The following ZSWIM6 variants were observed in gnomAD, a reference collection of about 807,000 sequenced individuals.
ZSWIM6 encodes zinc finger SWIM domain-containing protein 6.
Under a neutral mutation model 113.2 loss-of-function variants are expected in ZSWIM6, and 9 were observed. The ratio of observed to expected loss-of-function variants is 0.08; its 90% CI spans 0.05 to 0.14. ZSWIM6 has a LOEUF of 0.14. ZSWIM6 is among the 10% of genes least tolerant of loss of function. The pLI, the probability that ZSWIM6 is intolerant of heterozygous loss-of-function variation, is 1.00. For synonymous variants in ZSWIM6, 611 were observed against 606.5 expected (o/e 1.01, Z -0.11); for missense variants, 1,162 against 1,552.2 (o/e 0.75, Z 4.22).
At chr5:61,458,758 GT>G (rs1747263260) in intron 1 of ZSWIM6, among the ~76,000 whole-genome samples, 1 of 151,630 alleles carries the variant, frequency 6.6e-6, no homozygotes, top group Admixed American at 6.6e-5. Context: ...GGCACTTGTG[GT>G]CCCAGCTACT....
intron 1 of ZSWIM6, among the ~76,000 whole-genome samples, chr5:61,468,632 A>G (rs1001426498): frequency 6.6e-6 from 1 of 152,188 alleles, no homozygotes; most frequent in African/African-American, 2.4e-5. Flanking sequence ...TCTCAGGAAC[A>G]TTATTTTGTC....
rs1169488324 is a variant in ZSWIM6 at position 61,541,948 on chromosome 5, C to T, written c.2768C>T (p.Thr923Met). 4.5e-6 allele frequency: 7 copies of T among 1,550,374 alleles called. No homozygotes were observed. The highest frequency in any genetic ancestry group is 2.0e-5 in the Admixed American group (1 of 50,974). The change falls in exon 13 of 14, where the codon ACG becomes ATG. Residue 923 changes from threonine to methionine, a missense_variant. This residue lies in a region of ZSWIM6 where 620 missense variants were observed against 804.6 expected (regional missense o/e 0.77). Coordinates refer to ENST00000252744, the MANE Select transcript of ZSWIM6 (RefSeq NM_020928.2). ...CGGGAGATGGTGAGGTGGCTGGTAA[C>T]GTGTGCTACTGAAGTCGGTAGGTAA... ...RRREMVRWLV[T>M]CATEVGVYAL...
At chr5:61,492,139 A>G (rs1287867382) in intron 3 of ZSWIM6, among the ~76,000 whole-genome samples, 2 of 152,074 alleles carry the variant, frequency 1.3e-5, no homozygotes, top group African/African-American at 4.8e-5. Flanking sequence ...TATACTTAAG[A>G]GTAAAGTGTT....
At chr5:61,463,490 C>A (rs989943771) in intron 1 of ZSWIM6, among the ~76,000 whole-genome samples, 5 of 152,184 alleles carry the variant, frequency 3.3e-5, no homozygotes, top group African/African-American at 1.2e-4. Context: ...TGGGTTAAAC[C>A]AGAAACCCTG....
At chr5:61,410,307 T>C (rs903785427) in intron 1 of ZSWIM6, among the ~76,000 whole-genome samples, 93 of 150,568 alleles carry the variant, frequency 6.2e-4, no homozygotes, top group African/African-American at 2.2e-3. Flanking sequence ...TGGATGTATT[T>C]CCTTTTTTTT....
chr5:61,503,751 A>G lies in ZSWIM6; in HGVS notation c.1333+9341A>G, dbSNP rs375245798. 4.6e-5 allele frequency among the ~76,000 whole-genome samples: 7 copies of G among 152,308 alleles called. No individual in the cohort carries two copies. In the South Asian group the frequency reaches 1.5e-3, roughly 32 times the overall value. Reference sequence around the variant, plus strand: ...ATGCACTAGAAGATATTCTTTGCTAAGCATTAGGGTCATATGTAGACCACA... The same window carrying G: ...ATGCACTAGAAGATATTCTTTGCTAGGCATTAGGGTCATATGTAGACCACA... On this transcript the variant is annotated intron_variant, in intron 4 of 13. Transcript: ENST00000252744.
intron 1 of ZSWIM6, among the ~76,000 whole-genome samples, chr5:61,435,965 G>A (rs770267803): frequency 6.6e-6 from 1 of 152,162 alleles, no homozygotes; most frequent in Admixed American, 6.5e-5. Context: ...ACTTTGGGAG[G>A]CCAAGGCGAG....
At chr5:61,354,746 TATC>T (rs1316883559) in intron 1 of ZSWIM6, among the ~76,000 whole-genome samples, 1 of 152,164 alleles carries the variant, frequency 6.6e-6, no homozygotes, top group East Asian at 1.9e-4. Context: ...AGTAAACCAT[TATC>T]ATACCCTGGA....
chr5:61,481,482 CA>C (rs1162352533), intron 2 of ZSWIM6, among the ~76,000 whole-genome samples: 1 of 151,948 alleles, frequency 6.6e-6, no homozygotes, highest in Non-Finnish European at 1.5e-5. Context: ...ACATTCTCTC[CA>C]AACAGAATTC....
At chr5:61,370,024 G>A (rs1019933186) in intron 1 of ZSWIM6, among the ~76,000 whole-genome samples, 1 of 152,124 alleles carries the variant, frequency 6.6e-6, no homozygotes, top group African/African-American at 2.4e-5. Context: ...CTTTCCAATT[G>A]TATTTAGAAT....
rs1250843632 is a variant in ZSWIM6, at chr5:61,543,655, G to A, written c.2986G>A (p.Ala996Thr). 6.4e-7 allele frequency: 1 copy of A among 1,551,724 alleles called. No individual in the cohort carries two copies. The highest frequency in any genetic ancestry group is 2.0e-5 in the Admixed American group (1 of 51,014). The change falls in exon 14 of 14, where the codon GCC becomes ACC. Residue 996 changes from alanine to threonine, a missense_variant. This residue lies in a region of ZSWIM6 where 620 missense variants were observed against 804.6 expected (regional missense o/e 0.77). Coordinates refer to ENST00000252744, the MANE Select transcript of ZSWIM6 (RefSeq NM_020928.2). The surrounding 1 kb of genome is among the most constrained non-coding windows in gnomAD (Gnocchi z 4.3). ...TGCCATGAAGGATCCACAGAACTGT[G>A]CCCTCTCTGCGCTAACCCTTTGTGA... is the stretch of plus-strand genomic sequence containing the variant. ...QCAMKDPQNC[A>T]LSALTLCEKD...
At chr5:61,498,833 G>C (rs1432385283) in intron 4 of ZSWIM6, among the ~76,000 whole-genome samples, 1 of 152,096 alleles carries the variant, frequency 6.6e-6, no homozygotes, top group Admixed American at 6.6e-5. Context: ...CTGTGTACCA[G>C]AAGTAAGATT....
rs1325620962 is a variant in ZSWIM6 at position 61,369,007 on chromosome 5, A to T, written c.676+36059A>T. On this transcript the variant is annotated intron_variant, in intron 1 of 13. Transcript: ENST00000252744. ...ATGTGTGAAGGGAGCATGTTGAAAG[A>T]TACAAAGAAAGGTCTAGATACATTT... Among the ~76,000 whole-genome samples, 4 of 152,244 alleles carry T rather than the reference A, an allele frequency of 2.6e-5. No homozygotes were observed. The East Asian group carries it at 7.7e-4, about 29-fold the overall frequency.
chr5:61,540,395 T>TA (rs1749696692), intron 12 of ZSWIM6, among the ~76,000 whole-genome samples: 1 of 152,318 alleles, frequency 6.6e-6, no homozygotes, highest in Non-Finnish European at 1.5e-5. Flanking sequence ...GAATCTCTAT[T>TA]AACATTTGCT....
chr5:61,360,746 A>G (rs762936070), intron 1 of ZSWIM6, among the ~76,000 whole-genome samples: 2 of 152,200 alleles, frequency 1.3e-5, no homozygotes, highest in African/African-American at 2.4e-5. Context: ...TGATTTTTAT[A>G]GCCAATACAA....
chr5:61,433,832 A>G (rs889019982), intron 1 of ZSWIM6, among the ~76,000 whole-genome samples: 4 of 151,806 alleles, frequency 2.6e-5, no homozygotes, highest in African/African-American at 9.7e-5. Flanking sequence ...AAACTTGACA[A>G]ATTTTCAATA....
chr5:61,433,130 G>A (rs1746621026), intron 1 of ZSWIM6, among the ~76,000 whole-genome samples: 1 of 152,078 alleles, frequency 6.6e-6, no homozygotes, highest in Non-Finnish European at 1.5e-5. Flanking sequence ...TTTTTCTTAA[G>A]TTTTATTACA....
chr5:61,429,282 T>C (rs2112133374), intron 1 of ZSWIM6, among the ~76,000 whole-genome samples: 1 of 152,362 alleles, frequency 6.6e-6, no homozygotes, highest in Admixed American at 6.5e-5. Flanking sequence ...CTTGCTTTTG[T>C]ATTAAAATTT....
chr5:61,349,595 CT>C (rs961254621), intron 1 of ZSWIM6, among the ~76,000 whole-genome samples: 10 of 148,746 alleles, frequency 6.7e-5, no homozygotes, highest in Middle Eastern at 3.4e-3. Context: ...TGTAGGGTTT[CT>C]TTTTTTTTTC....
Sources: gnomAD v4.1 joint callset for allele counts (sites outside exome capture counted in the v4.1 genomes callset) on GRCh38, gnomAD v4.1.1 for gene constraint, gnomAD v4.1.1 regional missense constraint, Gnocchi (gnomAD v3.1) non-coding constraint, MANE v1.5 for transcripts, NCBI Gene and HGNC (gene_info 2026-07-23, HGNC 2026-07-21) for gene names.